SLC27A6: variants seen among roughly 807,000 people sequenced by gnomAD.
SLC27A6 encodes solute carrier family 27 member 6, also known as long-chain fatty acid transport protein 6.
A neutral mutation model predicts 63.9 loss-of-function variants in SLC27A6; 74 were observed. That is an observed-to-expected ratio of 1.16 (90% confidence interval 0.96 to 1.40). The LOEUF (loss-of-function observed/expected upper bound fraction) is 1.40. SLC27A6 is among the 40% of genes most tolerant of loss of function. The pLI is 0.00. For missense variants in SLC27A6, 794 were observed against 732.9 expected (o/e 1.08, Z -0.96); for synonymous variants, 287 against 260.8 (o/e 1.10, Z -0.97).
chr5:129,033,255 A>C lies in SLC27A6; in HGVS notation c.1833A>C (p.Gln611His). ...YVLLTRELYD[Q>H]IMLGEIKL ...TACTGACCAGGGAACTTTATGATCA[A>C]ATAATGTTAGGGGAAATAAAACTTT... is the stretch of plus-strand genomic sequence containing the variant. Residue 611 changes from glutamine (Q) to histidine (H), a missense_variant, in exon 10 of 10, where the codon CAA (glutamine) becomes CAC (histidine). Physicochemically the swap from Gln to His is conservative, Grantham distance 24. Coordinates refer to ENST00000262462, the MANE Select transcript of SLC27A6 (RefSeq NM_001017372.3). 1 of 1,585,096 alleles carries C rather than the reference A, an allele frequency of 6.3e-7. No individual in the cohort carries two copies.
At chr5:129,025,371 A>G (rs2150154577) in intron 6 of SLC27A6, among the ~76,000 whole-genome samples, 1 of 152,258 alleles carries the variant, frequency 6.6e-6, no homozygotes, top group South Asian at 2.1e-4. Flanking sequence ...GAGTCTTGAA[A>G]AATTCTGAAA....
intron 1 of SLC27A6, among the ~76,000 whole-genome samples, chr5:128,968,076 A>G (rs574493548): frequency 1.1e-3 from 166 of 152,230 alleles, no homozygotes; most frequent in African/African-American, 3.6e-3. Context: ...CCATGTCCCT[A>G]CAAAGGACAT....
rs193128500 is a variant in SLC27A6, at chr5:128,974,372, C to A, written c.481+7754C>A. Among the ~76,000 whole-genome samples, 22 of 152,230 alleles carry A rather than the reference C, an allele frequency of 1.4e-4. 2 individuals are homozygous for A. The East Asian group carries it at 3.1e-3, about 21-fold the overall frequency. On this transcript the variant is annotated intron_variant, in intron 1 of 9. Transcript: ENST00000262462. ...TAGTTGATTGGCTCGGTAAGTAGGT[C>A]ACTGGAGAAGTCACCCATTCTTTCT...
intron 5 of SLC27A6, among the ~76,000 whole-genome samples, chr5:129,017,153 T>C (rs990865546): frequency 2.0e-5 from 3 of 152,194 alleles, no homozygotes; most frequent in African/African-American, 2.4e-5. Context: ...TCTATTTTAT[T>C]CAAGCACTTT....
intron 5 of SLC27A6, among the ~76,000 whole-genome samples, 174 bp downstream of exon 5, chr5:129,016,253 G>A (rs1039596315): frequency 6.6e-6 from 1 of 151,734 alleles, no homozygotes; most frequent in South Asian, 2.1e-4. Flanking sequence ...AAAATTAGAC[G>A]GGTGTAGTGG....
chr5:129,012,892 A>C (rs1431550132), intron 4 of SLC27A6, among the ~76,000 whole-genome samples: 2 of 151,820 alleles, frequency 1.3e-5, no homozygotes, highest in African/African-American at 4.8e-5. Flanking sequence ...TGCATTCTAA[A>C]AGTTTTTTTT....
intron 4 of SLC27A6, among the ~76,000 whole-genome samples, chr5:128,990,863 G>A (rs1204744723): frequency 9.9e-5 from 15 of 152,192 alleles, no homozygotes; most frequent in Non-Finnish European, 7.3e-5. Flanking sequence ...GAGCGGCAAT[G>A]GGCACCTTGC....
At chr5:129,010,293 ATACAAAT>A (rs986094001) in intron 4 of SLC27A6, among the ~76,000 whole-genome samples, 5 of 152,206 alleles carry the variant, frequency 3.3e-5, no homozygotes, top group African/African-American at 7.2e-5. Flanking sequence ...GGCAAAAAAA[ATACAAAT>A]TACAAATTAA....
rs1442222093 is a variant in SLC27A6, at chr5:128,966,346, A to C, written c.209A>C (p.Lys70Thr). The change falls in exon 1 of 10, where the codon AAA (lysine) becomes ACA (threonine). Residue 70 changes from lysine (K) to threonine (T), a missense_variant. By Grantham distance (78) the Lys-to-Thr change is moderately conservative (BLOSUM62 -1). Transcript: ENST00000262462. ...FLSHAKRQPRKPFIIYEGDIY... is the reference protein window; with the variant it reads ...FLSHAKRQPRTPFIIYEGDIY... Reference sequence around the variant, plus strand: ...AGTCATGCCAAAAGACAACCTCGGAAACCTTTCATCATCTATGAGGGAGAC... The same window carrying C: ...AGTCATGCCAAAAGACAACCTCGGACACCTTTCATCATCTATGAGGGAGAC... The C allele has an allele frequency of 6.2e-7, 1 of 1,612,392 alleles. No individual in the cohort carries two copies. Among genetic ancestry groups the C allele is most frequent in the Admixed American group, 1.7e-5 (1 of 59,864 alleles).
chr5:129,016,792 C>T (rs913302205), intron 5 of SLC27A6, among the ~76,000 whole-genome samples: 1 of 152,062 alleles, frequency 6.6e-6, no homozygotes, highest in East Asian at 1.9e-4. Flanking sequence ...TCTATACAGG[C>T]TTTTAATAAT....
At chr5:128,972,541 C>T (rs1457162849) in intron 1 of SLC27A6, among the ~76,000 whole-genome samples, 1 of 152,190 alleles carries the variant, frequency 6.6e-6, no homozygotes, top group East Asian at 1.9e-4. Context: ...GATACCCTTT[C>T]TTCCACTTAA....
At chr5:129,018,138 A>G (rs1204272983) in intron 5 of SLC27A6, among the ~76,000 whole-genome samples, 6 of 152,182 alleles carry the variant, frequency 3.9e-5, no homozygotes, top group Admixed American at 2.6e-4. Flanking sequence ...ACATTTCCAG[A>G]GCACCCTACT....
chr5:128,975,387 G>C (rs1750341316), intron 1 of SLC27A6, among the ~76,000 whole-genome samples: 1 of 152,132 alleles, frequency 6.6e-6, no homozygotes, highest in African/African-American at 2.4e-5. Context: ...AATGTGTTAG[G>C]TGATTTTGTT....
chr5:128,981,220 C>T (rs543786867), intron 1 of SLC27A6, among the ~76,000 whole-genome samples: 17 of 152,138 alleles, frequency 1.1e-4, no homozygotes, highest in Non-Finnish European at 2.1e-4. Context: ...TGGCTCATGT[C>T]TATAATCCCA....
chr5:128,978,957 G>A (rs1750486186), intron 1 of SLC27A6, among the ~76,000 whole-genome samples: 1 of 152,064 alleles, frequency 6.6e-6, no homozygotes, highest in Admixed American at 6.6e-5. Flanking sequence ...GTACAGGTTT[G>A]TAGCCTAGGA....
intron 4 of SLC27A6, among the ~76,000 whole-genome samples, chr5:129,005,214 C>G (rs1363559775): frequency 6.6e-6 from 1 of 152,140 alleles, no homozygotes; most frequent in African/African-American, 2.4e-5. Flanking sequence ...GTATAGGAAG[C>G]CATGCTTTTG....
At chr5:129,028,545 A>G in intron 8 of SLC27A6, 103 bp downstream of exon 8, 1 of 677,918 alleles carries the variant, frequency 1.5e-6, no homozygotes, top group Non-Finnish European at 2.5e-6. Context: ...ATTTTTGTGT[A>G]TTAAGATAAA....
intron 3 of SLC27A6, among the ~76,000 whole-genome samples, chr5:128,989,124 C>G (rs898797268): frequency 6.6e-6 from 1 of 152,176 alleles, no homozygotes; most frequent in Non-Finnish European, 1.5e-5. Context: ...TCTTGAAAGA[C>G]ACATAGGTTA....
intron 4 of SLC27A6, among the ~76,000 whole-genome samples, chr5:129,002,757 A>G (rs1351107524): frequency 6.6e-6 from 1 of 152,178 alleles, no homozygotes; most frequent in Admixed American, 6.5e-5. Context: ...TCTGAACTTC[A>G]TTTCTCCATA....
Sources: allele counts gnomAD v4.1 joint callset (sites outside exome capture counted in the v4.1 genomes callset), GRCh38; gene constraint gnomAD v4.1.1; transcripts MANE v1.5; gene names NCBI Gene and HGNC (gene_info 2026-07-23, HGNC 2026-07-21).